CCR3: variants seen among roughly 807,000 people sequenced by gnomAD.
CCR3 encodes the protein C-C motif chemokine receptor 3.
For missense variants in CCR3, 419 were observed against 437.5 expected (o/e 0.96, Z 0.38); for synonymous variants, 203 against 179.2 (o/e 1.13, Z -1.06).
At chr3:46,259,994 G>A (rs1700492906) in intron 1 of CCR3, among the ~76,000 whole-genome samples, 1 of 152,176 alleles carries the variant, frequency 6.6e-6, no homozygotes, top group South Asian at 2.1e-4. Flanking sequence ...GGCTGGGGAG[G>A]CCTCACAATC....
At chr3:46,254,831 G>A (rs1234089833) in intron 1 of CCR3, among the ~76,000 whole-genome samples, 2 of 151,990 alleles carry the variant, frequency 1.3e-5, no homozygotes, top group African/African-American at 4.8e-5. Flanking sequence ...CATTTTCATG[G>A]CTGAGTAGTA....
At chr3:46,257,136 G>A (rs1700442890) in intron 1 of CCR3, among the ~76,000 whole-genome samples, 2 of 152,130 alleles carry the variant, frequency 1.3e-5, no homozygotes, top group East Asian at 1.9e-4. Context: ...ATTGGCACTA[G>A]GGGTGAAGGA....
At chr3:46,245,177 A>G (rs1559531884) in intron 1 of CCR3, among the ~76,000 whole-genome samples, 1 of 151,966 alleles carries the variant, frequency 6.6e-6, no homozygotes, top group Non-Finnish European at 1.5e-5. Context: ...TAAAATACCA[A>G]TTCTGGGAAA....
chr3:46,219,279 G>A (rs973323827), intron 2 of CCR3, among the ~76,000 whole-genome samples: 16 of 152,082 alleles, frequency 1.1e-4, no homozygotes, highest in Non-Finnish European at 1.3e-4. Flanking sequence ...CCTAATCAAA[G>A]AGGTGAAAGA....
intron 1 of CCR3, among the ~76,000 whole-genome samples, chr3:46,248,463 A>T (rs1052558567): frequency 4.5e-4 from 69 of 152,294 alleles, no homozygotes; most frequent in African/African-American, 1.6e-3. Context: ...TACAGGGTGC[A>T]GTCCTGGCTC....
chr3:46,218,173 A>G (rs1174293905), intron 2 of CCR3, among the ~76,000 whole-genome samples: 1 of 152,088 alleles, frequency 6.6e-6, no homozygotes. Context: ...AAGATTATTC[A>G]AGGCTACTAT....
At chr3:46,258,440 G>A (rs947362733) in intron 1 of CCR3, among the ~76,000 whole-genome samples, 18 of 152,134 alleles carry the variant, frequency 1.2e-4, no homozygotes, top group Non-Finnish European at 2.4e-4. Context: ...GATCTTTTGG[G>A]ATTTCAACAT....
upstream of CCR3, among the ~76,000 whole-genome samples, chr3:46,238,084 C>G: frequency 6.6e-6 from 1 of 152,170 alleles, no homozygotes; most frequent in East Asian, 1.9e-4. Context: ...AATGTTCTGA[C>G]AGATTGATAC....
intron 2 of CCR3, among the ~76,000 whole-genome samples, chr3:46,212,672 A>G (rs1469452300): frequency 6.6e-6 from 1 of 151,912 alleles, no homozygotes. Context: ...CAACTTGACA[A>G]ACCAAGGAGA....
chr3:46,244,148 T>C (rs1040139129), intron 1 of CCR3, among the ~76,000 whole-genome samples: 3 of 152,206 alleles, frequency 2.0e-5, no homozygotes, highest in African/African-American at 7.2e-5. Context: ...AATTTTAAAA[T>C]GCACACAAAT....
chr3:46,242,963 G>GTATATATATATATACACATATA lies in CCR3; in HGVS notation c.-12+439_-12+440insCACATATATATATATATATATA, dbSNP rs1553644057. Among the ~76,000 whole-genome samples the GTATATATATATATACACATATA allele has an allele frequency of 6.1e-4, 53 of 86,284 alleles. 1 individual carries two copies. The highest frequency in any genetic ancestry group is 2.0e-3 in the African/African-American group (43 of 21,098). The allele number at this position is 86,284 out of a possible 152,430, so 56.6% of individuals were successfully genotyped here. A position where few individuals can be genotyped will look rare whatever the true frequency, so the allele number is the denominator to read the frequency against. On this transcript the variant is annotated intron_variant, in intron 1 of 1. Coordinates refer to ENST00000395940, the MANE Select transcript of CCR3 (RefSeq NM_178329.3). ...AAAATATAATTTTACATATATATGT[G>GTATATATATATATACACATATA]TATATATATATATATACACATATAT...
intron 1 of CCR3, among the ~76,000 whole-genome samples, chr3:46,259,426 T>TAAA (rs1294406951): frequency 2.0e-5 from 3 of 152,186 alleles, no homozygotes; most frequent in Non-Finnish European, 4.4e-5. Context: ...TGATAAAATA[T>TAAA]ATACAACATA....
At chr3:46,243,190 T>C (rs1291812865) in intron 1 of CCR3, among the ~76,000 whole-genome samples, 3 of 151,806 alleles carry the variant, frequency 2.0e-5, no homozygotes. Flanking sequence ...CTAGATTACT[T>C]GTAATACCTA....
At chr3:46,249,125 G>A (rs1019624998) in intron 1 of CCR3, among the ~76,000 whole-genome samples, 3 of 152,120 alleles carry the variant, frequency 2.0e-5, no homozygotes, top group Admixed American at 1.3e-4. Context: ...TCGCCAAGGA[G>A]GGAGTAGAGG....
rs201371312 is a variant in CCR3, at chr3:46,265,989, G to T, written c.831G>T (p.Lys277Asn). ...TTGGAAATGACTGTGAGCGGAGCAAGCATCTGGACCTGGTCATGCTGGTGA... is the reference window on the plus strand; with the variant it reads ...TTGGAAATGACTGTGAGCGGAGCAATCATCTGGACCTGGTCATGCTGGTGA... ...ILFGNDCERSKHLDLVMLVTE... is the reference protein window; with the variant it reads ...ILFGNDCERSNHLDLVMLVTE... The change falls in exon 2 of 2, where the codon AAG becomes AAT. Residue 277 changes from lysine (K) to asparagine (N), a missense_variant. Coordinates refer to ENST00000395940, the MANE Select transcript of CCR3 (RefSeq NM_178329.3). 18 of 1,613,980 alleles carry T rather than the reference G, an allele frequency of 1.1e-5. No homozygotes were observed. In the East Asian group the frequency reaches 4.0e-4, roughly 36 times the overall value.
At chr3:46,240,718 G>A (rs961957088), upstream of CCR3, among the ~76,000 whole-genome samples, 1 of 152,104 alleles carries the variant, frequency 6.6e-6, no homozygotes, top group Non-Finnish European at 1.5e-5. Context: ...CCACACACTG[G>A]CCTCCACGTA....
intron 1 of CCR3, among the ~76,000 whole-genome samples, chr3:46,252,116 C>T (rs1047220805): frequency 8.1e-5 from 12 of 148,764 alleles, no homozygotes; most frequent in Admixed American, 2.0e-4. Context: ...TTCAGTTTCT[C>T]AATTGCAGTA....
chr3:46,240,492 G>A (rs769355838), upstream of CCR3, among the ~76,000 whole-genome samples: 4 of 151,828 alleles, frequency 2.6e-5, no homozygotes, highest in Non-Finnish European at 4.4e-5. Context: ...TTCATCCCTC[G>A]GGCCCTTTCT....
At chr3:46,231,141 T>C (rs1231552125) in intron 2 of CCR3, among the ~76,000 whole-genome samples, 5 of 152,196 alleles carry the variant, frequency 3.3e-5, no homozygotes, top group African/African-American at 1.2e-4. Context: ...GCCAGGATAG[T>C]CTCGATCTCT....
Sources: allele counts gnomAD v4.1 joint callset (sites outside exome capture counted in the v4.1 genomes callset), GRCh38; gene constraint gnomAD v4.1.1; transcripts MANE v1.5; gene names NCBI Gene and HGNC (gene_info 2026-07-23, HGNC 2026-07-21).